SYNJ2BP: variants seen among roughly 807,000 people sequenced by gnomAD.
The protein encoded by SYNJ2BP is synaptojanin-2-binding protein.
Under a neutral mutation model 16.9 loss-of-function variants are expected in SYNJ2BP, and 10 were observed. The observed-to-expected ratio is 0.59, with a 90% confidence interval of 0.36 to 1.00. SYNJ2BP has a LOEUF of 1.00. Among genes scored for constraint, SYNJ2BP ranks in the 50% least tolerant of loss-of-function variants. The pLI, the probability that SYNJ2BP is intolerant of heterozygous loss-of-function variation, is 0.01. For missense variants in SYNJ2BP, 162 were observed against 186.7 expected, an observed-to-expected ratio of 0.87 and a Z score of 0.77; for synonymous variants, 54 against 68.4, an observed-to-expected ratio of 0.79 and a Z score of 1.04.
rs1252816511 is a variant in SYNJ2BP, at chr14:70,373,082, C to G, written c.347G>C (p.Ser116Thr). The change falls in exon 4 of 4, where the codon AGT (serine) becomes ACT (threonine). Residue 116 changes from serine to threonine, a missense_variant. Transcript: ENST00000256366. Reference protein sequence around the residue: ...PIGHRGEGDPSGIPIFMVLVP... With the variant: ...PIGHRGEGDPTGIPIFMVLVP... ...CAGCACCATAAATATGGGAATACCA[C>G]TTGGGTCCCCTTCACCTCGATGTCC... The G allele has an allele frequency of 6.2e-7, 1 of 1,614,178 alleles. No homozygotes were observed. Among genetic ancestry groups the G allele is most frequent in the Non-Finnish European group, 8.5e-7 (1 of 1,180,020 alleles).
intron 1 of SYNJ2BP, among the ~76,000 whole-genome samples, chr14:70,388,825 A>C (rs901521397): frequency 1.5e-4 from 23 of 152,204 alleles, no homozygotes; most frequent in Admixed American, 1.5e-3. Flanking sequence ...ACGACTGAAA[A>C]TATAAACACA....
chr14:70,380,972 A>G (rs17475866), intron 2 of SYNJ2BP, among the ~76,000 whole-genome samples: 15,948 of 152,286 alleles, frequency 0.1, 1,022 homozygotes, highest in Admixed American at 0.15. Flanking sequence ...GCTGATCATT[A>G]TAACTCTACA....
At chr14:70,412,153 T>C (rs1888486274) in intron 1 of SYNJ2BP, among the ~76,000 whole-genome samples, 1 of 152,138 alleles carries the variant, frequency 6.6e-6, no homozygotes, top group Non-Finnish European at 1.5e-5. Flanking sequence ...GAGCAAGCAA[T>C]AAAAACTTTC....
chr14:70,399,491 G>A (rs1453102345), intron 1 of SYNJ2BP, among the ~76,000 whole-genome samples: 7 of 152,322 alleles, frequency 4.6e-5, no homozygotes, highest in East Asian at 1.9e-4. Flanking sequence ...CAGAGGCTCC[G>A]GACCTGGGGA....
chr14:70,402,071 C>G (rs896608373), intron 1 of SYNJ2BP, among the ~76,000 whole-genome samples: 1 of 152,186 alleles, frequency 6.6e-6, no homozygotes, highest in Non-Finnish European at 1.5e-5. Flanking sequence ...AAAAAACACA[C>G]CATTCACTCC....
At chr14:70,393,855 C>T (rs754261526) in intron 1 of SYNJ2BP, among the ~76,000 whole-genome samples, 78 of 151,462 alleles carry the variant, frequency 5.1e-4, no homozygotes, top group Non-Finnish European at 8.7e-4. Flanking sequence ...CTAATGCATG[C>T]GGAGCTTAAA....
intron 1 of SYNJ2BP, among the ~76,000 whole-genome samples, chr14:70,398,301 G>A (rs2140854904): frequency 6.6e-6 from 1 of 152,260 alleles, no homozygotes; most frequent in Admixed American, 6.5e-5. Context: ...GCCCACCTTG[G>A]CCTGAAGGTG....
chr14:70,401,514 C>T (rs1566622912), intron 1 of SYNJ2BP, among the ~76,000 whole-genome samples: 1 of 120,426 alleles, frequency 8.3e-6, no homozygotes, highest in African/African-American at 3.2e-5. Flanking sequence ...CTCTTGGATC[C>T]TGGTTCTTGG....
chr14:70,411,879 ATG>A (rs1419059126), intron 1 of SYNJ2BP, among the ~76,000 whole-genome samples: 26 of 152,342 alleles, frequency 1.7e-4, no homozygotes, highest in South Asian at 1.2e-3. Flanking sequence ...AATTTTTCAT[ATG>A]TGAACATCAT....
chr14:70,406,983 T>G (rs1216903702), intron 1 of SYNJ2BP, among the ~76,000 whole-genome samples: 5 of 152,174 alleles, frequency 3.3e-5, no homozygotes, highest in Non-Finnish European at 7.3e-5. Context: ...ATTGGGTGAT[T>G]ACACCTGCAC....
chr14:70,404,788 A>T (rs1202834638), intron 1 of SYNJ2BP, among the ~76,000 whole-genome samples: 2 of 152,236 alleles, frequency 1.3e-5, no homozygotes, highest in Non-Finnish European at 2.9e-5. Context: ...TTTTCTTTAC[A>T]TGGTAACTTT....
intron 1 of SYNJ2BP, among the ~76,000 whole-genome samples, chr14:70,403,055 G>A (rs1021345731): frequency 6.6e-6 from 1 of 152,082 alleles, no homozygotes; most frequent in Non-Finnish European, 1.5e-5. Flanking sequence ...AGCAAATAAT[G>A]GTATATAGAT....
At chr14:70,386,177 AC>A (rs1425241755) in intron 2 of SYNJ2BP, among the ~76,000 whole-genome samples, 1 of 152,204 alleles carries the variant, frequency 6.6e-6, no homozygotes. Flanking sequence ...ACTAAATGCT[AC>A]ACCTTTATTT....
intron 1 of SYNJ2BP, among the ~76,000 whole-genome samples, chr14:70,403,905 G>A (rs1482165600): frequency 1.3e-5 from 2 of 152,234 alleles, no homozygotes; most frequent in South Asian, 2.1e-4. Context: ...CTTAAATCAA[G>A]TATTTTATCA....
rs1264420257 is a variant in SYNJ2BP, at chr14:70,375,700, A to T, written c.273T>A (p.Ala91=). 1 of 1,614,020 alleles carries T rather than the reference A, an allele frequency of 6.2e-7. No individual in the cohort carries two copies. Among genetic ancestry groups the T allele is most frequent in the South Asian group, 1.1e-5 (1 of 91,066 alleles). Residue 91 remains alanine, a synonymous_variant, in exon 3 of 4, where the codon GCT becomes GCA. Coordinates refer to ENST00000256366, the MANE Select transcript of SYNJ2BP (RefSeq NM_018373.3). ...CCCTGTGCTGCACTCTCAGAGACACAGCATAGCCTGCATTACGAAAGAGGT... is the reference window on the plus strand; with the variant it reads ...CCCTGTGCTGCACTCTCAGAGACACTGCATAGCCTGCATTACGAAAGAGGT... ...AVDLFRNAGY[A]VSLRVQHRLQ...
At chr14:70,375,606 C>T (rs1367375525) in intron 3 of SYNJ2BP, 70 bp downstream of exon 3, 2 of 1,539,620 alleles carry the variant, frequency 1.3e-6, no homozygotes, top group African/African-American at 1.4e-5. Context: ...GAAGATTACA[C>T]ACATTGGGCT....
chr14:70,383,272 A>G (rs114480432), intron 2 of SYNJ2BP, among the ~76,000 whole-genome samples: 2,741 of 152,290 alleles, frequency 0.018, 79 homozygotes, highest in African/African-American at 0.061. Context: ...GTATATTTCA[A>G]CATCTCTGCA....
chr14:70,375,205 C>CTTTT (rs201793770), intron 3 of SYNJ2BP, among the ~76,000 whole-genome samples: 1 of 121,218 alleles, frequency 8.2e-6, no homozygotes, highest in African/African-American at 3.1e-5. Flanking sequence ...CTCTTTTTTT[C>CTTTT]TTTTTTTTTT....
intron 2 of SYNJ2BP, among the ~76,000 whole-genome samples, chr14:70,377,435 A>T (rs1887655848): frequency 6.6e-6 from 1 of 152,146 alleles, no homozygotes; most frequent in Non-Finnish European, 1.5e-5. Context: ...GCTTCTACTC[A>T]TTTGCTGAAC....
Sources: gnomAD v4.1 joint callset for allele counts (sites outside exome capture counted in the v4.1 genomes callset) on GRCh38, gnomAD v4.1.1 for gene constraint, MANE v1.5 for transcripts, NCBI Gene and HGNC (gene_info 2026-07-23, HGNC 2026-07-21) for gene names.